The following UBAC2 variants were observed in gnomAD, a reference collection of about 807,000 sequenced individuals.
The protein encoded by UBAC2 is UBA domain containing 2, also known as ubiquitin-associated domain-containing protein 2.
Under a neutral mutation model 44.0 loss-of-function variants are expected in UBAC2, and 26 were observed. That is an observed-to-expected ratio of 0.59 (90% CI 0.43 to 0.82). UBAC2 has a LOEUF of 0.82. Ranked by LOEUF, UBAC2 falls within the 40% of genes least tolerant of loss-of-function variation. The pLI is 0.00. For missense variants in UBAC2, 329 were observed against 419.4 expected (o/e 0.78, Z 1.88); for synonymous variants, 155 against 154.3 (o/e 1.00, Z -0.04).
intron 4 of UBAC2, among the ~76,000 whole-genome samples, chr13:99,245,582 G>A (rs552980410): frequency 1.3e-5 from 2 of 152,252 alleles, no homozygotes; most frequent in African/African-American, 2.4e-5. Flanking sequence ...GGCCGGGCGC[G>A]GTGGCTCATG....
At chr13:99,352,677 C>T (rs1566517661) in intron 7 of UBAC2, among the ~76,000 whole-genome samples, 1 of 152,188 alleles carries the variant, frequency 6.6e-6, no homozygotes, top group Non-Finnish European at 1.5e-5. Flanking sequence ...CCGTCTATTC[C>T]GCAGAATACA....
intron 4 of UBAC2, among the ~76,000 whole-genome samples, chr13:99,285,291 C>T (rs1284315664): frequency 6.6e-6 from 1 of 151,928 alleles, no homozygotes; most frequent in East Asian, 1.9e-4. Flanking sequence ...CCTCCTCTTC[C>T]TCCTCTTCTT....
chr13:99,208,617 T>G (rs758190568), intron 1 of UBAC2, among the ~76,000 whole-genome samples: 1 of 152,230 alleles, frequency 6.6e-6, no homozygotes, highest in Non-Finnish European at 1.5e-5. Flanking sequence ...TTAAGACTTG[T>G]AGTTGGCAAC....
At chr13:99,355,016 G>A (rs928930976) in intron 7 of UBAC2, among the ~76,000 whole-genome samples, 1 of 152,150 alleles carries the variant, frequency 6.6e-6, no homozygotes, top group Admixed American at 6.5e-5. Flanking sequence ...ACGCAGATAG[G>A]CAAGTGCGGG....
chr13:99,327,698 AAGC>A (rs1594131463), intron 6 of UBAC2, among the ~76,000 whole-genome samples: 2 of 152,324 alleles, frequency 1.3e-5, no homozygotes, highest in African/African-American at 2.4e-5. Context: ...AACATTTTCA[AAGC>A]AGCAGAAGTT....
chr13:99,215,185 T>TA (rs2042977787), intron 1 of UBAC2, among the ~76,000 whole-genome samples: 1 of 152,192 alleles, frequency 6.6e-6, no homozygotes, highest in Non-Finnish European at 1.5e-5. Context: ...CAGTATCACT[T>TA]AAATATGGTT....
chr13:99,327,392 G>T (rs1456826723), intron 6 of UBAC2, among the ~76,000 whole-genome samples: 1 of 152,142 alleles, frequency 6.6e-6, no homozygotes, highest in East Asian at 1.9e-4. Context: ...TCTTCACATT[G>T]TCTTTTTATC....
At chr13:99,241,264 C>CAAAAA (rs35336464) in intron 2 of UBAC2, among the ~76,000 whole-genome samples, 6 of 114,852 alleles carry the variant, frequency 5.2e-5, no homozygotes, top group African/African-American at 7.1e-5. Context: ...GACCCTGTCT[C>CAAAAA]AAAAAAAAAA....
intron 8 of UBAC2, among the ~76,000 whole-genome samples, chr13:99,375,590 A>C (rs1030033782): frequency 4.6e-5 from 7 of 152,200 alleles, no homozygotes; most frequent in Non-Finnish European, 1.0e-4. Flanking sequence ...CCCAAAAAAA[A>C]CATTTGTTTT....
chr13:99,331,764 G>A (rs1248389458), intron 6 of UBAC2, among the ~76,000 whole-genome samples: 2 of 152,230 alleles, frequency 1.3e-5, no homozygotes, highest in East Asian at 1.9e-4. Flanking sequence ...ATTAGGGAAT[G>A]TACAAAGTTC....
intron 6 of UBAC2, among the ~76,000 whole-genome samples, chr13:99,331,701 G>A (rs879430906): frequency 3.2e-4 from 49 of 152,288 alleles, no homozygotes; most frequent in Admixed American, 2.2e-3. Flanking sequence ...ATGACAAATG[G>A]CAGAAATAAC....
At chr13:99,354,583 T>TAG (rs575731252) in intron 7 of UBAC2, among the ~76,000 whole-genome samples, 5 of 152,108 alleles carry the variant, frequency 3.3e-5, no homozygotes, top group African/African-American at 9.7e-5. Flanking sequence ...TTGGGCCCTA[T>TAG]GCAAATGGAA....
At chr13:99,349,936 G>C (rs113868732) in intron 7 of UBAC2, among the ~76,000 whole-genome samples, 5 of 151,866 alleles carry the variant, frequency 3.3e-5, no homozygotes, top group African/African-American at 4.8e-5. Flanking sequence ...TCCCTTTCGC[G>C]GTCTGCTAAG....
Position 99,340,352 on chromosome 13 carries a change from C to G in UBAC2, c.594C>G (p.Phe198Leu). 6.2e-7 allele frequency: 1 copy of G among 1,611,824 alleles called. No individual in the cohort carries two copies. The highest frequency in any genetic ancestry group is 8.5e-7 in the Non-Finnish European group (1 of 1,178,584). Residue 198 changes from phenylalanine (F) to leucine (L), a missense_variant, in exon 7 of 9, where the codon TTC becomes TTG. Physicochemically the swap from Phe to Leu is conservative, Grantham distance 22. Transcript: ENST00000403766. ...MSGLCYDSKM[F>L]QVHQVLCIPS... ...GTCTGTGCTACGACAGCAAAATGTTCCAGGTGCATCAGGTGCTCTGCATCC... is the reference window on the plus strand; with the variant it reads ...GTCTGTGCTACGACAGCAAAATGTTGCAGGTGCATCAGGTGCTCTGCATCC...
chr13:99,315,544 T>C (rs7358855), intron 5 of UBAC2, among the ~76,000 whole-genome samples: 68,940 of 151,996 alleles, frequency 0.45, 15,831 homozygotes, highest in East Asian at 0.59. Flanking sequence ...GGAAAGTCTT[T>C]GGAGCCAGGT....
chr13:99,343,294 G>A lies in UBAC2; in HGVS notation c.807+2729G>A, dbSNP rs148029516. 4.6e-5 allele frequency among the ~76,000 whole-genome samples: 7 copies of A among 152,344 alleles called. No homozygotes were observed. In the East Asian group the frequency reaches 9.6e-4, roughly 21 times the overall value. ...GCAAGTGGGATTCTTGGCTGTTTGC[G>A]CACGCCCTCGCTCCAGGATTCTACG... On this transcript the variant is annotated intron_variant, in intron 7 of 8. Coordinates refer to ENST00000403766, the MANE Select transcript of UBAC2 (RefSeq NM_001144072.2).
intron 4 of UBAC2, among the ~76,000 whole-genome samples, chr13:99,278,133 G>A (rs2138678702): frequency 6.6e-6 from 1 of 152,286 alleles, no homozygotes; most frequent in South Asian, 2.1e-4. Flanking sequence ...AGCTGTGATG[G>A]TGACACCAAC....
intron 8 of UBAC2, among the ~76,000 whole-genome samples, chr13:99,374,857 C>G (rs2045459485): frequency 6.6e-6 from 1 of 152,144 alleles, no homozygotes; most frequent in South Asian, 2.1e-4. Context: ...CTATGAAAAG[C>G]CTGATACACA....
At chr13:99,257,044 T>C (rs1234956756) in intron 4 of UBAC2, among the ~76,000 whole-genome samples, 1 of 152,226 alleles carries the variant, frequency 6.6e-6, no homozygotes, top group Non-Finnish European at 1.5e-5. Context: ...GAGCAATTGC[T>C]GTGGTTAAAC....
Sources: allele counts gnomAD v4.1 joint callset (sites outside exome capture counted in the v4.1 genomes callset), GRCh38; gene constraint gnomAD v4.1.1; transcripts MANE v1.5; gene names NCBI Gene and HGNC (gene_info 2026-07-23, HGNC 2026-07-21).